Variants in UBL7 observed in about 807,000 individuals in gnomAD.
UBL7 encodes ubiquitin-like protein 7.
UBL7 carries 21 observed loss-of-function variants against 41.7 expected under a neutral mutation model. That is an observed-to-expected ratio of 0.50 (90% CI 0.36 to 0.73). The LOEUF is 0.73. Among genes scored for constraint, UBL7 ranks in the 30% least tolerant of loss-of-function variants. The pLI, the probability that UBL7 is intolerant of heterozygous loss-of-function variation, is 0.00. For synonymous variants in UBL7, 157 were observed against 186.9 expected (o/e 0.84, Z 1.31); for missense variants, 403 against 478.4 (o/e 0.84, Z 1.47).
In UBL7 at chr15:74,459,693, C is replaced by G. The variant is rs141255830; in HGVS notation, c.-29-797G>C. Reference sequence around the variant, plus strand: ...AACTCTTCCAATGTCGGGCTGGGCGCGGTGGCTCATGCCTGTAACCCTAGC... The same window carrying G: ...AACTCTTCCAATGTCGGGCTGGGCGGGGTGGCTCATGCCTGTAACCCTAGC... On this transcript the variant is annotated intron_variant, in intron 1 of 10. Transcript: ENST00000395081. Among the ~76,000 whole-genome samples the G allele has an allele frequency of 4.2e-3, 644 of 151,896 alleles. 2 individuals carry two copies. The highest frequency in any genetic ancestry group is 0.02 in the Middle Eastern group (6 of 294).
At chr15:74,450,381 G>T (rs2061231619) in intron 6 of UBL7, among the ~76,000 whole-genome samples, 1 of 151,358 alleles carries the variant, frequency 6.6e-6, no homozygotes. Context: ...TCTGGTCTAG[G>T]CACCACTACT....
At chr15:74,455,801 A>G (rs2061288217) in intron 3 of UBL7, among the ~76,000 whole-genome samples, 1 of 152,264 alleles carries the variant, frequency 6.6e-6, no homozygotes, top group South Asian at 2.1e-4. Flanking sequence ...AGGTTGACCA[A>G]CATGGAGACA....
chr15:74,448,725 C>G, intron 9 of UBL7, 125 bp from the exon 10 acceptor site: 4 of 1,366,384 alleles, frequency 2.9e-6, no homozygotes, highest in Non-Finnish European at 4.0e-6. Context: ...CAACAAAGAC[C>G]TGCCATAAGA....
intron 3 of UBL7, among the ~76,000 whole-genome samples, chr15:74,452,781 G>A (rs1222547050): frequency 2.6e-5 from 4 of 152,030 alleles, no homozygotes; most frequent in Admixed American, 6.6e-5. Flanking sequence ...GCGCAATCTC[G>A]GCTCGCTGCA....
chr15:74,457,735 T>C (rs1596220933), intron 2 of UBL7, among the ~76,000 whole-genome samples: 1 of 79,800 alleles, frequency 1.3e-5, no homozygotes, highest in Non-Finnish European at 2.3e-5. Flanking sequence ...AGACTCCGTC[T>C]CAAAAAAAAA....
At chr15:74,453,426 AAGG>A (rs1190293823) in intron 3 of UBL7, among the ~76,000 whole-genome samples, 6 of 152,142 alleles carry the variant, frequency 3.9e-5, no homozygotes, top group Non-Finnish European at 7.4e-5. Context: ...CAGGAACACA[AAGG>A]CAGACAGGCA....
At chr15:74,450,104 TCCAAAAGAGCACCCTCAG>T in intron 6 of UBL7, 35 bp from the exon 7 acceptor site, 1 of 1,582,730 alleles carries the variant, frequency 6.3e-7, no homozygotes, top group Non-Finnish European at 8.6e-7. Flanking sequence ...CAAGGGTGAC[TCCAAAAGAGCACCCTCAG>T]CCATAACAGG....
At chr15:74,449,557 G>A in intron 8 of UBL7, 69 bp downstream of exon 8, 3 of 1,611,110 alleles carry the variant, frequency 1.9e-6, no homozygotes, top group Non-Finnish European at 2.5e-6. Context: ...CAGGTCCCAG[G>A]ATGCAGCTCA....
intron 1 of UBL7, chr15:74,459,191 T>C (rs1174588505): frequency 1.2e-5 from 3 of 260,822 alleles, no homozygotes; most frequent in Non-Finnish European, 1.5e-5. Flanking sequence ...TGCCCCTTTT[T>C]CCAATTTTCT....
chr15:74,450,975 C>T, intron 5 of UBL7, 116 bp from the exon 6 acceptor site: 1 of 1,070,420 alleles, frequency 9.3e-7, no homozygotes. Context: ...ACAAGCCAAT[C>T]TTCATGAGAA....
intron 4 of UBL7, among the ~76,000 whole-genome samples, chr15:74,451,798 A>T (rs1326210027): frequency 1.3e-5 from 2 of 152,166 alleles, no homozygotes; most frequent in African/African-American, 4.8e-5. Context: ...TCCAAAATAA[A>T]AGCTCTCATT....
intron 8 of UBL7, 39 bp downstream of exon 8, chr15:74,449,587 C>G (rs61184870): frequency 1.4e-5 from 22 of 1,613,970 alleles, no homozygotes; most frequent in East Asian, 8.9e-5. Flanking sequence ...CCATCTCCCC[C>G]ACATGTCAGC....
rs1168065769 is a variant in UBL7, at chr15:74,446,585, T to C, written c.1006-358A>G. On this transcript the variant is annotated intron_variant, in intron 10 of 10. Transcript: ENST00000395081. This position sits in a 1 kb window ranked among gnomAD's most constrained non-coding sequence, Gnocchi z 4.1. ...TATGTGATGAGTGTTACAGATTTTT[T>C]TCCCAGTTTGTTAGCCTTTGGACTT... 1.3e-5 allele frequency among the ~76,000 whole-genome samples: 2 copies of C among 152,248 alleles called. No homozygotes were observed. Among genetic ancestry groups the C allele is most frequent in the Non-Finnish European group, 2.9e-5 (2 of 68,036 alleles).
chr15:74,449,601 T>TCAGG lies in UBL7; in HGVS notation c.714+21_714+24dup, dbSNP rs750692697. ...ACCATCTCCCCCACATGTCAGCATGTCAGGCAGGCAGGCAGGCCACTTACT... is the reference window on the plus strand; with the variant it reads ...ACCATCTCCCCCACATGTCAGCATGTCAGGCAGGCAGGCAGGCAGGCCACTTACT... On this transcript the variant is annotated intron_variant, in intron 8 of 10. Coordinates refer to ENST00000395081, the MANE Select transcript of UBL7 (RefSeq NM_032907.5). The TCAGG allele has an allele frequency of 4.2e-5, 68 of 1,613,954 alleles. 1 individual carries two copies. Among genetic ancestry groups the TCAGG allele is most frequent in the South Asian group, 1.6e-4 (15 of 91,058 alleles).
At chr15:74,460,661 C>T in intron 1 of UBL7, 1 of 1,281,210 alleles carries the variant, frequency 7.8e-7, no homozygotes, top group Non-Finnish European at 1.0e-6. Context: ...CATCCTTGTC[C>T]CCATACCTGG....
intron 8 of UBL7, 83 bp downstream of exon 8, chr15:74,449,543 G>A (rs1233509694): frequency 1.2e-6 from 2 of 1,603,620 alleles, no homozygotes; most frequent in African/African-American, 1.3e-5. Context: ...AGCCTTGGGA[G>A]TGCCAGGTCC....
chr15:74,460,675 A>C, intron 1 of UBL7: 1 of 1,287,152 alleles, frequency 7.8e-7, no homozygotes, highest in Non-Finnish European at 1.0e-6. Flanking sequence ...TACCTGGCAT[A>C]CATGGAACCC....
At chr15:74,451,655 A>G (rs999197985) in intron 4 of UBL7, 135 bp from the exon 5 acceptor site, 25 of 587,818 alleles carry the variant, frequency 4.3e-5, no homozygotes, top group Non-Finnish European at 7.2e-5. Context: ...AGCCCCAGAA[A>G]CAGATGAACC....
Position 74,451,485 on chromosome 15 carries a change from A to G in UBL7, c.423T>C (p.Asp141=). 16 of 1,614,136 alleles carry G rather than the reference A, an allele frequency of 9.9e-6. No individual in the cohort carries two copies. The highest frequency in any genetic ancestry group is 1.4e-5 in the Non-Finnish European group (16 of 1,180,034). ...GGCCTGGGGTGGCCACAATGATCTG[A>G]TCCAGAGACTCCTTATTGCTGAGCA... is the stretch of plus-strand genomic sequence containing the variant. The part of the protein sequence containing the change: ...FKMLSNKESL[D]QIIVATPGLS... Residue 141 remains aspartate (D), a synonymous_variant, in exon 5 of 11, where the codon GAT becomes GAC. Coordinates refer to ENST00000395081, the MANE Select transcript of UBL7 (RefSeq NM_032907.5).
Sources: gnomAD v4.1 joint callset for allele counts (sites outside exome capture counted in the v4.1 genomes callset) on GRCh38, gnomAD v4.1.1 for gene constraint, Gnocchi (gnomAD v3.1) non-coding constraint, MANE v1.5 for transcripts, NCBI Gene and HGNC (gene_info 2026-07-23, HGNC 2026-07-21) for gene names.